The following KCNIP1 variants were observed in gnomAD, a reference collection of about 807,000 sequenced individuals.
KCNIP1 encodes the protein A-type potassium channel modulatory protein KCNIP1.
A neutral mutation model predicts 33.0 loss-of-function variants in KCNIP1; 18 were observed. The ratio of observed to expected loss-of-function variants is 0.55; its 90% CI spans 0.38 to 0.81. The LOEUF is 0.81. Ranked by LOEUF, KCNIP1 falls within the 30% of genes least tolerant of loss-of-function variation. KCNIP1 has a pLI of 0.00. For missense variants in KCNIP1, 238 were observed against 271.6 expected, an observed-to-expected ratio of 0.88 and a Z score of 0.87; for synonymous variants, 93 against 98.3, an observed-to-expected ratio of 0.95 and a Z score of 0.32.
chr5:170,551,012 A>T (rs993310750), intron 1 of KCNIP1, among the ~76,000 whole-genome samples: 18 of 152,172 alleles, frequency 1.2e-4, no homozygotes. Flanking sequence ...GTGTTCTTCC[A>T]ATCTGTCTCC....
intron 1 of KCNIP1, among the ~76,000 whole-genome samples, chr5:170,585,673 T>C (rs534368507): frequency 2.6e-5 from 4 of 152,156 alleles, no homozygotes; most frequent in East Asian, 1.9e-4. Context: ...CGTCTAGAAC[T>C]TGGGGCTGAT....
chr5:170,370,797 G>C (rs1763823200), intron 1 of KCNIP1, among the ~76,000 whole-genome samples: 1 of 152,170 alleles, frequency 6.6e-6, no homozygotes, highest in Non-Finnish European at 1.5e-5. Flanking sequence ...AAACCAGCGG[G>C]GTTCTGGCTT....
chr5:170,731,435 G>A (rs573247845), intron 5 of KCNIP1, among the ~76,000 whole-genome samples: 1 of 152,310 alleles, frequency 6.6e-6, no homozygotes, highest in South Asian at 2.1e-4. Flanking sequence ...GGGCATGGTG[G>A]CTCATGCCTA....
intron 1 of KCNIP1, among the ~76,000 whole-genome samples, chr5:170,484,541 G>T (rs1757043564): frequency 6.6e-6 from 1 of 152,080 alleles, no homozygotes; most frequent in African/African-American, 2.4e-5. Flanking sequence ...TCCCCACCTT[G>T]TCTCTCCTTT....
chr5:170,628,782 T>C (rs1433436952), intron 1 of KCNIP1, among the ~76,000 whole-genome samples: 1 of 152,236 alleles, frequency 6.6e-6, no homozygotes, highest in Non-Finnish European at 1.5e-5. Context: ...GGGGAGCTGC[T>C]GCACTCGAGG....
intron 1 of KCNIP1, among the ~76,000 whole-genome samples, chr5:170,660,315 T>C (rs1301791425): frequency 1.3e-5 from 2 of 149,740 alleles, no homozygotes; most frequent in African/African-American, 4.9e-5. Context: ...ATAAAAACCA[T>C]ACCAAAGAAA....
chr5:170,488,587 G>C (rs13184664), intron 1 of KCNIP1, among the ~76,000 whole-genome samples: 1 of 152,186 alleles, frequency 6.6e-6, no homozygotes, highest in Non-Finnish European at 1.5e-5. Flanking sequence ...CATCTACAAG[G>C]TACAAAGCCC....
chr5:170,597,511 C>T lies in KCNIP1; in HGVS notation c.61+92878C>T, dbSNP rs577671362. On this transcript the variant is annotated intron_variant, in intron 1 of 7. Coordinates refer to ENST00000328939, the MANE Select transcript of KCNIP1 (RefSeq NM_014592.4). ...ACATACCACCTCTGGCTGGAACTGA[C>T]GACCATGGGTTTTAGAAATGAGATA... Among the ~76,000 whole-genome samples, 13 of 152,158 alleles carry T rather than the reference C, an allele frequency of 8.5e-5. No individual in the cohort carries two copies. In the East Asian group the frequency reaches 9.7e-4, roughly 11 times the overall value.
chr5:170,353,678 A>G (rs1763270244), exon 1 of KCNIP1: 2 of 602,998 alleles, frequency 3.3e-6, no homozygotes, highest in Non-Finnish European at 5.9e-6. Context: ...AGGGAGGGAG[A>G]GTTTGCCCTG....
chr5:170,442,325 C>T (rs1170439180), intron 1 of KCNIP1, among the ~76,000 whole-genome samples: 2 of 152,118 alleles, frequency 1.3e-5, no homozygotes, highest in Non-Finnish European at 2.9e-5. Context: ...CCTCAGGGGC[C>T]CAGTGGCCCT....
At chr5:170,528,200 G>A (rs1237887070) in intron 1 of KCNIP1, among the ~76,000 whole-genome samples, 2 of 152,162 alleles carry the variant, frequency 1.3e-5, no homozygotes, top group African/African-American at 4.8e-5. Flanking sequence ...GGCTCACTGG[G>A]CCCTGCTCCC....
chr5:170,496,589 C>T (rs1757315034), intron 1 of KCNIP1, among the ~76,000 whole-genome samples: 1 of 152,220 alleles, frequency 6.6e-6, no homozygotes. Context: ...GAGGTCACCA[C>T]TGCTAATGCA....
chr5:170,470,342 T>C (rs1006483148), intron 1 of KCNIP1, among the ~76,000 whole-genome samples: 4 of 152,106 alleles, frequency 2.6e-5, no homozygotes, highest in African/African-American at 9.6e-5. Flanking sequence ...AGAATCAACA[T>C]GCCTGTAACA....
At chr5:170,449,938 G>T (rs1581203424) in intron 1 of KCNIP1, among the ~76,000 whole-genome samples, 1 of 151,894 alleles carries the variant, frequency 6.6e-6, no homozygotes, top group East Asian at 1.9e-4. Flanking sequence ...AAGGCCGGGA[G>T]GTTTTGCAAA....
chr5:170,688,850 T>C (rs188180452), intron 1 of KCNIP1, among the ~76,000 whole-genome samples: 1 of 152,262 alleles, frequency 6.6e-6, no homozygotes, highest in Non-Finnish European at 1.5e-5. Flanking sequence ...GGGCTGATCC[T>C]ATGGAAGCAC....
At chr5:170,551,140 C>T (rs960265205) in intron 1 of KCNIP1, among the ~76,000 whole-genome samples, 1 of 152,166 alleles carries the variant, frequency 6.6e-6, no homozygotes, top group African/African-American at 2.4e-5. Flanking sequence ...GTGTTTTCTC[C>T]TTCTTGTCTT....
At chr5:170,487,045 A>G (rs961399826) in intron 1 of KCNIP1, among the ~76,000 whole-genome samples, 5 of 152,216 alleles carry the variant, frequency 3.3e-5, no homozygotes, top group Non-Finnish European at 7.3e-5. Context: ...ACACAGACAT[A>G]TCTATATATC....
intron 1 of KCNIP1, among the ~76,000 whole-genome samples, chr5:170,622,486 G>C: frequency 6.6e-6 from 1 of 152,070 alleles, no homozygotes; most frequent in Non-Finnish European, 1.5e-5. Context: ...GCTGGGTGTG[G>C]TGGTGAGCAC....
At chr5:170,378,497 T>C (rs554593379) in intron 1 of KCNIP1, 75 of 602,150 alleles carry the variant, frequency 1.2e-4, no homozygotes, top group East Asian at 7.7e-4. Flanking sequence ...CTCCAAGGCA[T>C]TGGGGAGCCA....
Sources: gnomAD v4.1 joint callset for allele counts (sites outside exome capture counted in the v4.1 genomes callset) on GRCh38, gnomAD v4.1.1 for gene constraint, MANE v1.5 for transcripts, NCBI Gene and HGNC (gene_info 2026-07-23, HGNC 2026-07-21) for gene names.